The following PRKN variants were observed in gnomAD, a reference collection of about 807,000 sequenced individuals.
The protein encoded by PRKN is E3 ubiquitin-protein ligase parkin.
In PRKN, 56 loss-of-function variants were observed where a neutral mutation model predicts 59.5. That is an observed-to-expected ratio of 0.94 (90% CI 0.76 to 1.18). The LOEUF is 1.18. PRKN is among the 50% of genes most tolerant of loss of function. The pLI is 0.00. For missense variants in PRKN, 657 were observed against 596.4 expected, an observed-to-expected ratio of 1.10 and a Z score of -1.06; for synonymous variants, 250 against 222.1, an observed-to-expected ratio of 1.13 and a Z score of -1.12.
chr6:161,799,858 T>G (rs1285135164), intron 6 of PRKN, among the ~76,000 whole-genome samples: 1 of 152,102 alleles, frequency 6.6e-6, no homozygotes, highest in Non-Finnish European at 1.5e-5. Flanking sequence ...GTAAGAGGGT[T>G]TGCAGGGAAG....
At chr6:162,624,368 TA>T (rs1390324429) in intron 1 of PRKN, 1 of 152,216 alleles carries the variant, frequency 6.6e-6, no homozygotes. Flanking sequence ...GAATATTTAT[TA>T]AAAACAATTA....
At chr6:161,815,711 G>T (rs1056467020) in intron 6 of PRKN, among the ~76,000 whole-genome samples, 7 of 152,222 alleles carry the variant, frequency 4.6e-5, no homozygotes, top group African/African-American at 1.4e-4. Flanking sequence ...CCCTGGTTCA[G>T]GGAGGGAGAC....
At chr6:162,283,941 A>T (rs1230933266) in intron 2 of PRKN, among the ~76,000 whole-genome samples, 1 of 152,212 alleles carries the variant, frequency 6.6e-6, no homozygotes, top group Non-Finnish European at 1.5e-5. Flanking sequence ...CAATATTCTA[A>T]AATTTTCAAA....
chr6:162,268,497 A>ACCT (rs1583292055), intron 2 of PRKN, among the ~76,000 whole-genome samples: 1 of 152,254 alleles, frequency 6.6e-6, no homozygotes, highest in East Asian at 1.9e-4. Flanking sequence ...ATTTTGTTAT[A>ACCT]GCAAGACAAA....
chr6:161,985,307 T>C (rs547541899), intron 5 of PRKN, among the ~76,000 whole-genome samples: 1 of 152,336 alleles, frequency 6.6e-6, no homozygotes, highest in East Asian at 1.9e-4. Flanking sequence ...CCAAAACATT[T>C]GCTAGTTGCA....
chr6:162,351,390 C>T (rs983479915), intron 2 of PRKN, among the ~76,000 whole-genome samples: 21 of 152,278 alleles, frequency 1.4e-4, no homozygotes, highest in African/African-American at 4.6e-4. Context: ...GATACTACTA[C>T]ACACCTGTCA....
intron 2 of PRKN, among the ~76,000 whole-genome samples, chr6:162,285,985 T>A (rs577823797): frequency 6.6e-6 from 1 of 152,082 alleles, no homozygotes; most frequent in East Asian, 1.9e-4. Context: ...AGCTGGGAGC[T>A]CACATCCTAT....
rs1317864471 is a variant in PRKN, at chr6:161,499,325, A to G, written c.1083+49529T>C. Among the ~76,000 whole-genome samples the G allele has an allele frequency of 1.3e-5, 2 of 152,200 alleles. No homozygotes were observed. The highest frequency in any genetic ancestry group is 3.8e-4 in the East Asian group (2 of 5,196). ...CATAAATGTCTGTTGCATATAGGGA[A>G]ATATTTCTGTCCCATGTCTCTATCA... On this transcript the variant is annotated intron_variant, in intron 9 of 11. Transcript: ENST00000366898. This position sits in a 1 kb window ranked among gnomAD's most constrained non-coding sequence, Gnocchi z 4.2.
intron 2 of PRKN, among the ~76,000 whole-genome samples, chr6:162,301,318 C>T (rs1020091116): frequency 6.6e-6 from 1 of 151,526 alleles, no homozygotes; most frequent in Non-Finnish European, 1.5e-5. Context: ...TAGTCAAAGA[C>T]GCAGACTCAG....
Position 161,896,692 on chromosome 6 carries a change from G to A in PRKN, c.734+76610C>T, listed in dbSNP as rs180693375. On this transcript the variant is annotated intron_variant, in intron 6 of 11. Coordinates refer to ENST00000366898, the MANE Select transcript of PRKN (RefSeq NM_004562.3). ...ATTTTCACAGGACCAAGCTTCGTAAGTGTTTACAAGATGGTGTTGTCACTG... is the reference window on the plus strand; with the variant it reads ...ATTTTCACAGGACCAAGCTTCGTAAATGTTTACAAGATGGTGTTGTCACTG... Among the ~76,000 whole-genome samples the A allele has an allele frequency of 3.7e-4, 56 of 152,310 alleles. 1 individual carries two copies. The highest frequency in any genetic ancestry group is 1.9e-3 in the Admixed American group (29 of 15,300).
At chr6:161,977,608 A>G (rs928501700) in intron 5 of PRKN, among the ~76,000 whole-genome samples, 3 of 138,244 alleles carry the variant, frequency 2.2e-5, no homozygotes, top group Admixed American at 8.3e-5. Flanking sequence ...GCGCAGTGGC[A>G]CGATCTTGGC....
chr6:161,442,401 C>T lies in PRKN; in HGVS notation c.1084-55524G>A, dbSNP rs1450892983. Among the ~76,000 whole-genome samples the T allele has an allele frequency of 6.6e-6, 1 of 152,202 alleles. No homozygotes were observed. Among genetic ancestry groups the T allele is most frequent in the Non-Finnish European group, 1.5e-5 (1 of 68,036 alleles). ...AGATTTAAGACACTATTCTTACTGTCCACAAACAGGTTTACTTTAGTGATC... is the reference window on the plus strand; with the variant it reads ...AGATTTAAGACACTATTCTTACTGTTCACAAACAGGTTTACTTTAGTGATC... On this transcript the variant is annotated intron_variant, in intron 9 of 11. Coordinates refer to ENST00000366898, the MANE Select transcript of PRKN (RefSeq NM_004562.3). This position sits in a 1 kb window ranked among gnomAD's most constrained non-coding sequence, Gnocchi z 4.6.
intron 7 of PRKN, among the ~76,000 whole-genome samples, chr6:161,770,566 C>CAAGT (rs1185045761): frequency 6.6e-6 from 1 of 152,096 alleles, no homozygotes; most frequent in African/African-American, 2.4e-5. Context: ...TTCCCAGGTG[C>CAAGT]AAGTGATTCT....
chr6:161,542,135 T>A (rs985666019), intron 9 of PRKN, among the ~76,000 whole-genome samples: 8 of 152,250 alleles, frequency 5.3e-5, no homozygotes, highest in Non-Finnish European at 1.0e-4. Flanking sequence ...ATACATTTTC[T>A]CTTCCTTATG....
At chr6:162,507,277 C>A (rs577872398) in intron 1 of PRKN, among the ~76,000 whole-genome samples, 39 of 152,222 alleles carry the variant, frequency 2.6e-4, no homozygotes, top group African/African-American at 8.9e-4. Context: ...AGAGTAACTT[C>A]TTTGAAACGC....
chr6:162,647,976 A>AAAAAAAAT (rs1423333479), intron 1 of PRKN, among the ~76,000 whole-genome samples: 1 of 146,196 alleles, frequency 6.8e-6, no homozygotes, highest in African/African-American at 2.5e-5. Flanking sequence ...AAAAAAAAAA[A>AAAAAAAAT]AGTCTACGGG....
chr6:162,455,944 C>A (rs1790850645), intron 1 of PRKN, among the ~76,000 whole-genome samples: 1 of 151,964 alleles, frequency 6.6e-6, no homozygotes, highest in Non-Finnish European at 1.5e-5. Context: ...ATATTTGATA[C>A]ATTTCCTAGA....
In PRKN at chr6:161,446,587, T is replaced by G. The variant is rs1027173353; in HGVS notation, c.1084-59710A>C. ...ATACCTGTTCCTGGAGCAATCTATTTTTAACCTTGTTAACCTGAACTGTAC... is the reference window on the plus strand; with the variant it reads ...ATACCTGTTCCTGGAGCAATCTATTGTTAACCTTGTTAACCTGAACTGTAC... On this transcript the variant is annotated intron_variant, in intron 9 of 11. Coordinates refer to ENST00000366898, the MANE Select transcript of PRKN (RefSeq NM_004562.3). The surrounding 1 kb of genome is among the most constrained non-coding windows in gnomAD (Gnocchi z 6.2). 6.6e-6 allele frequency among the ~76,000 whole-genome samples: 1 copy of G among 152,228 alleles called. No individual in the cohort carries two copies. Among genetic ancestry groups the G allele is most frequent in the Non-Finnish European group, 1.5e-5 (1 of 68,040 alleles).
intron 2 of PRKN, among the ~76,000 whole-genome samples, chr6:162,406,817 G>C (rs988787186): frequency 6.6e-6 from 1 of 152,104 alleles, no homozygotes; most frequent in East Asian, 1.9e-4. Context: ...CTGATGGGAA[G>C]CTTTTCAGAA....
Sources: allele counts gnomAD v4.1 joint callset (sites outside exome capture counted in the v4.1 genomes callset), GRCh38; gene constraint gnomAD v4.1.1; non-coding constraint Gnocchi (gnomAD v3.1); transcripts MANE v1.5; gene names NCBI Gene and HGNC (gene_info 2026-07-23, HGNC 2026-07-21).